NKIRAS1: variants seen among roughly 807,000 people sequenced by gnomAD.
NKIRAS1 encodes the protein NFKB inhibitor interacting Ras like 1, also known as NF-kappa-B inhibitor-interacting Ras-like protein 1.
A neutral mutation model predicts 19.8 loss-of-function variants in NKIRAS1; 16 were observed. The ratio of observed to expected loss-of-function variants is 0.81; its 90% CI spans 0.55 to 1.23. NKIRAS1 has a LOEUF of 1.23. Ranked by LOEUF, NKIRAS1 falls within the 50% of genes most tolerant of loss-of-function variation. NKIRAS1 has a pLI of 0.00. For synonymous variants in NKIRAS1, 88 were observed against 79.0 expected, an observed-to-expected ratio of 1.11 and a Z score of -0.61; for missense variants, 184 against 220.0, an observed-to-expected ratio of 0.84 and a Z score of 1.04.
intron 1 of NKIRAS1, among the ~76,000 whole-genome samples, chr3:23,936,249 T>G (rs1447589606): frequency 6.6e-6 from 1 of 152,158 alleles, no homozygotes; most frequent in Non-Finnish European, 1.5e-5. Flanking sequence ...ATGTGCTCTT[T>G]GCATTTAAAA....
chr3:23,901,074 C>G (rs1238136897), intron 3 of NKIRAS1, 25 bp from the exon 4 acceptor site: 5 of 1,610,578 alleles, frequency 3.1e-6, no homozygotes, highest in Admixed American at 3.3e-5. Flanking sequence ...ACAAATTACT[C>G]TTTTTGGCTA....
chr3:23,891,322 G>GTGTTCATTTAC lies in NKIRAS1; in HGVS notation c.*1762_*1772dup, dbSNP rs1446271122. 3 of 152,182 alleles carry GTGTTCATTTAC rather than the reference G, an allele frequency of 2.0e-5. No homozygotes were observed. In the East Asian group the frequency reaches 5.8e-4, roughly 29 times the overall value. 9.4% of individuals were successfully genotyped at this position (152,182 alleles called of 1,614,324 possible). On this transcript the variant is annotated 3_prime_UTR_variant, in exon 5 of 5. Coordinates refer to ENST00000425478, the MANE Select transcript of NKIRAS1 (RefSeq NM_020345.4). ...TAAAAACCACCTAATAAACACTGCT[G>GTGTTCATTTAC]TGTTCATTTACTTTTCTTTTGCCTT...
chr3:23,901,183 T>G (rs1212711769), intron 3 of NKIRAS1, 134 bp from the exon 4 acceptor site: 1 of 946,112 alleles, frequency 1.1e-6, no homozygotes, highest in African/African-American at 1.7e-5. Context: ...ATTTTACTTT[T>G]TTTTTTTTTT....
At chr3:23,910,430 C>T (rs557672551) in intron 3 of NKIRAS1, among the ~76,000 whole-genome samples, 1 of 152,324 alleles carries the variant, frequency 6.6e-6, no homozygotes, top group East Asian at 1.9e-4. Context: ...GCTGGAATTA[C>T]AGGCCTGAGC....
At chr3:23,921,128 TA>T (rs147620648), upstream of NKIRAS1, among the ~76,000 whole-genome samples, 1,803 of 152,060 alleles carry the variant, frequency 0.012, 16 homozygotes, top group Middle Eastern at 0.034. Context: ...TAGTGAGACC[TA>T]AAAACAAAAA....
chr3:23,940,052 C>G (rs146283557), intron 1 of NKIRAS1, among the ~76,000 whole-genome samples: 14 of 150,736 alleles, frequency 9.3e-5, no homozygotes, highest in Admixed American at 8.0e-4. Flanking sequence ...AAAAACTGAC[C>G]GGGTGCGTAG....
chr3:23,913,228 C>A (rs2125427973), intron 1 of NKIRAS1, among the ~76,000 whole-genome samples: 2 of 151,960 alleles, frequency 1.3e-5, no homozygotes, highest in South Asian at 4.2e-4. Flanking sequence ...TTTGATATTA[C>A]CAAAGAAGTC....
rs1362522746 is a variant in NKIRAS1, at chr3:23,891,504, T to C, written c.*1591A>G. On this transcript the variant is annotated 3_prime_UTR_variant, in exon 5 of 5. Transcript: ENST00000425478. ...AGGTATCCTAGAAAAGGTTAAATAA[T>C]CTACCCCATTTAGGCTTCAAAGACG... 6.6e-6 allele frequency among the ~76,000 whole-genome samples: 1 copy of C among 152,234 alleles called. No individual in the cohort carries two copies. The highest frequency in any genetic ancestry group is 1.5e-5 in the Non-Finnish European group (1 of 68,040).
At chr3:23,941,085 C>T (rs1262689907) in intron 1 of NKIRAS1, among the ~76,000 whole-genome samples, 2 of 152,210 alleles carry the variant, frequency 1.3e-5, no homozygotes, top group African/African-American at 4.8e-5. Flanking sequence ...GAGAACTGCT[C>T]ATCTAGGGCA....
At chr3:23,942,979 T>C (rs1705535048) in intron 1 of NKIRAS1, among the ~76,000 whole-genome samples, 1 of 152,182 alleles carries the variant, frequency 6.6e-6, no homozygotes, top group Admixed American at 6.5e-5. Flanking sequence ...GATTCTCCAA[T>C]ACCTGGGCTC....
chr3:23,913,131 A>G (rs910077885), intron 1 of NKIRAS1, among the ~76,000 whole-genome samples: 3 of 152,056 alleles, frequency 2.0e-5, no homozygotes, highest in African/African-American at 7.2e-5. Context: ...TATAATTATC[A>G]GGATAATAGG....
intron 3 of NKIRAS1, among the ~76,000 whole-genome samples, chr3:23,907,264 C>T (rs1703163602): frequency 1.3e-5 from 2 of 152,098 alleles, no homozygotes; most frequent in Admixed American, 1.3e-4. Flanking sequence ...GTATATAATA[C>T]ACACAACATA....
At chr3:23,908,433 G>A (rs147721292) in intron 3 of NKIRAS1, among the ~76,000 whole-genome samples, 5 of 152,140 alleles carry the variant, frequency 3.3e-5, no homozygotes, top group South Asian at 4.2e-4. Context: ...ATCTGTGTGC[G>A]GCTGGATTTT....
At chr3:23,921,642 AC>A (rs572703938), upstream of NKIRAS1, 143 of 669,998 alleles carry the variant, frequency 2.1e-4, no homozygotes, top group Middle Eastern at 7.8e-4. Flanking sequence ...TGGGGCAATC[AC>A]GGCTCACTGC....
intron 1 of NKIRAS1, among the ~76,000 whole-genome samples, chr3:23,938,312 C>G (rs553355130): frequency 6.7e-6 from 1 of 150,226 alleles, no homozygotes; most frequent in Non-Finnish European, 1.5e-5. Flanking sequence ...CAGGCTCAAA[C>G]GATCCTCCCA....
chr3:23,934,449 T>C (rs147101468), intron 1 of NKIRAS1, among the ~76,000 whole-genome samples: 20 of 152,340 alleles, frequency 1.3e-4, no homozygotes, highest in Non-Finnish European at 2.6e-4. Flanking sequence ...TTAAACTGAG[T>C]ATTCAGTTAT....
Position 23,890,620 on chromosome 3 carries a change from A to G in NKIRAS1, c.*2475T>C. The stretch of plus-strand genomic sequence containing the variant: ...TACGCTACATAAATTGGGGTTTCAC[A>G]ATTCTTACATTATTTGTCTGTCACA... On this transcript the variant is annotated 3_prime_UTR_variant, in exon 5 of 5. Transcript: ENST00000425478. 6.2e-7 allele frequency: 1 copy of G among 1,611,390 alleles called. No homozygotes were observed. Among genetic ancestry groups the G allele is most frequent in the South Asian group, 1.1e-5 (1 of 90,616 alleles).
At chr3:23,897,442 T>A (rs1212253738) in intron 4 of NKIRAS1, among the ~76,000 whole-genome samples, 1 of 152,210 alleles carries the variant, frequency 6.6e-6, no homozygotes, top group African/African-American at 2.4e-5. Flanking sequence ...CTTATTCAAT[T>A]TTTTAAAACC....
chr3:23,917,720 G>C (rs935933155), upstream of NKIRAS1: 3 of 908,070 alleles, frequency 3.3e-6, no homozygotes, highest in African/African-American at 3.4e-5. Flanking sequence ...AGCTGTCCCC[G>C]GCAGTTGGTG....
Sources: gnomAD v4.1 joint callset for allele counts (sites outside exome capture counted in the v4.1 genomes callset) on GRCh38, gnomAD v4.1.1 for gene constraint, MANE v1.5 for transcripts, NCBI Gene and HGNC (gene_info 2026-07-23, HGNC 2026-07-21) for gene names.